Variants in MARCHF1 observed in about 807,000 individuals in gnomAD.
The protein encoded by MARCHF1 is E3 ubiquitin-protein ligase MARCHF1.
In MARCHF1, 40 loss-of-function variants were observed where a neutral mutation model predicts 54.2. The ratio of observed to expected loss-of-function variants is 0.74; its 90% CI spans 0.57 to 0.96. The LOEUF (loss-of-function observed/expected upper bound fraction) is 0.96. MARCHF1 is among the 40% of genes least tolerant of loss of function. The pLI is 0.00. For synonymous variants in MARCHF1, 236 were observed against 236.3 expected (o/e 1.00, Z 0.01); for missense variants, 586 against 656.5 (o/e 0.89, Z 1.17).
chr4:163,534,679 C>G (rs1179672998), intron 9 of MARCHF1, among the ~76,000 whole-genome samples: 1 of 151,964 alleles, frequency 6.6e-6, no homozygotes, highest in Non-Finnish European at 1.5e-5. Flanking sequence ...TGGACTATAC[C>G]AGGCATTTAT....
intron 7 of MARCHF1, among the ~76,000 whole-genome samples, chr4:163,589,129 T>C (rs74710604): frequency 0.018 from 2,689 of 149,242 alleles, 30 homozygotes; most frequent in Non-Finnish European, 0.027. Flanking sequence ...TAAAAAAAGA[T>C]TGTGTCAAAT....
intron 1 of MARCHF1, among the ~76,000 whole-genome samples, chr4:164,170,931 C>T (rs1420084097): frequency 6.6e-6 from 1 of 151,998 alleles, no homozygotes; most frequent in African/African-American, 2.4e-5. Flanking sequence ...ATTATGACGG[C>T]TCCTATGTAT....
chr4:163,945,318 C>T (rs865927552), intron 3 of MARCHF1, among the ~76,000 whole-genome samples: 1 of 152,004 alleles, frequency 6.6e-6, no homozygotes, highest in East Asian at 1.9e-4. Flanking sequence ...GTCAATACTA[C>T]AAGGAGAAAA....
chr4:164,106,413 A>G (rs1226409934), intron 2 of MARCHF1, among the ~76,000 whole-genome samples: 1 of 94,272 alleles, frequency 1.1e-5, no homozygotes, highest in African/African-American at 5.0e-5. Context: ...TGGCACATAT[A>G]CACCATGGAA....
chr4:163,798,278 C>A (rs1301509968), intron 4 of MARCHF1, among the ~76,000 whole-genome samples: 1 of 152,080 alleles, frequency 6.6e-6, no homozygotes, highest in African/African-American at 2.4e-5. Context: ...AAGAAGACAA[C>A]CGTCTGCAAG....
At chr4:163,863,739 C>G (rs957981532) in intron 3 of MARCHF1, among the ~76,000 whole-genome samples, 1 of 151,852 alleles carries the variant, frequency 6.6e-6, no homozygotes, top group African/African-American at 2.4e-5. Context: ...GTAAAAGGAA[C>G]CAGGGCTGCT....
chr4:163,608,429 A>G (rs17473521), intron 7 of MARCHF1, among the ~76,000 whole-genome samples: 53,101 of 151,872 alleles, frequency 0.35, 9,570 homozygotes, highest in Middle Eastern at 0.42. Flanking sequence ...CAGATCTGAT[A>G]GAGCGATCAA....
chr4:163,582,754 CTG>C (rs1740271351), intron 8 of MARCHF1, among the ~76,000 whole-genome samples: 1 of 121,470 alleles, frequency 8.2e-6, no homozygotes, highest in Non-Finnish European at 1.6e-5. Flanking sequence ...TTCTCTATAA[CTG>C]TTTAAAAACT....
At chr4:163,749,909 A>T (rs1221008541) in intron 4 of MARCHF1, among the ~76,000 whole-genome samples, 1 of 151,776 alleles carries the variant, frequency 6.6e-6, no homozygotes, top group South Asian at 2.1e-4. Context: ...TAAAAAAAAA[A>T]TACAAAAAAA....
chr4:163,665,156 G>A (rs530396216), intron 5 of MARCHF1, among the ~76,000 whole-genome samples: 1 of 151,994 alleles, frequency 6.6e-6, no homozygotes, highest in Non-Finnish European at 1.5e-5. Context: ...ACAGAATTAA[G>A]GCAAATTGAT....
intron 5 of MARCHF1, among the ~76,000 whole-genome samples, chr4:163,683,226 G>A (rs992444283): frequency 5.9e-5 from 9 of 152,134 alleles, no homozygotes; most frequent in African/African-American, 2.2e-4. Context: ...ACGTGGCTGG[G>A]GAGGCCTCAC....
At chr4:163,585,659 G>T in intron 8 of MARCHF1, 90 bp downstream of exon 8, 1 of 1,048,588 alleles carries the variant, frequency 9.5e-7, no homozygotes, top group East Asian at 2.5e-5. Flanking sequence ...TAGCATATTA[G>T]GAGAATCGTA....
intron 4 of MARCHF1, among the ~76,000 whole-genome samples, chr4:163,775,677 A>G (rs1046252745): frequency 2.6e-5 from 4 of 152,236 alleles, no homozygotes; most frequent in Middle Eastern, 3.4e-3. Context: ...AGATAATAAG[A>G]AGGCGGCTAG....
intron 1 of MARCHF1, among the ~76,000 whole-genome samples, chr4:164,305,674 A>G (rs1425903076): frequency 6.6e-6 from 1 of 152,192 alleles, no homozygotes; most frequent in Non-Finnish European, 1.5e-5. Context: ...CCAATGACTA[A>G]TAGTGAAAAC....
chr4:163,868,096 A>C (rs1322037463), intron 3 of MARCHF1, among the ~76,000 whole-genome samples: 2 of 151,952 alleles, frequency 1.3e-5, no homozygotes, highest in East Asian at 1.9e-4. Flanking sequence ...CTGCTCTGAG[A>C]GTACTCCAAG....
At chr4:163,900,576 T>C (rs993520534) in intron 3 of MARCHF1, among the ~76,000 whole-genome samples, 1 of 152,170 alleles carries the variant, frequency 6.6e-6, no homozygotes, top group African/African-American at 2.4e-5. Flanking sequence ...TTACTACTGA[T>C]GTAAACCTAA....
intron 2 of MARCHF1, among the ~76,000 whole-genome samples, chr4:164,101,208 G>T (rs915431128): frequency 6.6e-6 from 1 of 152,186 alleles, no homozygotes; most frequent in South Asian, 2.1e-4. Context: ...CATTGCCCAG[G>T]CTTGATTAGG....
chr4:164,276,947 T>TATATATATATATATATAGAGAGAG, intron 1 of MARCHF1, among the ~76,000 whole-genome samples: 1 of 118,802 alleles, frequency 8.4e-6, no homozygotes, highest in East Asian at 2.5e-4. Flanking sequence ...TATATATATA[T>TATATATATATATATATAGAGAGAG]AGAGAGAGAG....
At chr4:163,890,375 TC>T (rs1409721716) in intron 3 of MARCHF1, among the ~76,000 whole-genome samples, 836 of 45,564 alleles carry the variant, frequency 0.018, 6 homozygotes, top group African/African-American at 0.027. Context: ...TTTCTCTCTC[TC>T]TCTCTGTTTT....
Sources: gnomAD v4.1 joint callset for allele counts (sites outside exome capture counted in the v4.1 genomes callset) on GRCh38, gnomAD v4.1.1 for gene constraint, MANE v1.5 for transcripts, NCBI Gene and HGNC (gene_info 2026-07-23, HGNC 2026-07-21) for gene names.